TCF4: variants seen among roughly 807,000 people sequenced by gnomAD.
TCF4 encodes the protein SL3-3 enhancer factor 2.
In TCF4, 3 loss-of-function variants were observed where a neutral mutation model predicts 82.1. That is an observed-to-expected ratio of 0.04 (90% confidence interval 0.02 to 0.09). The LOEUF (loss-of-function observed/expected upper bound fraction) is 0.09, where lower values mean the gene tolerates loss of function less well. Among genes scored for constraint, TCF4 ranks in the 10% least tolerant of loss-of-function variants. TCF4 has a pLI of 1.00. For synonymous variants in TCF4, 276 were observed against 309.6 expected (o/e 0.89, Z 1.14); for missense variants, 518 against 852.7 (o/e 0.61, Z 4.89).
At chr18:55,351,172 T>C (rs1235929043) in intron 6 of TCF4, 169 bp from the exon 7 acceptor site, 2 of 759,366 alleles carry the variant, frequency 2.6e-6, no homozygotes, top group Non-Finnish European at 4.1e-6. Context: ...TAAGAAGCTA[T>C]CACAAAGTTT....
intron 5 of TCF4, among the ~76,000 whole-genome samples, chr18:55,427,916 A>AT (rs1200363536): frequency 6.6e-6 from 1 of 152,214 alleles, no homozygotes; most frequent in Non-Finnish European, 1.5e-5. Context: ...TTTACATGGG[A>AT]TTTTGCATGA....
chr18:55,350,712 C>T (rs2082151571), intron 7 of TCF4, among the ~76,000 whole-genome samples, 162 bp downstream of exon 7: 1 of 151,278 alleles, frequency 6.6e-6, no homozygotes, highest in African/African-American at 2.4e-5. Context: ...AACGTACCTA[C>T]TCAGTGTACT....
chr18:55,480,152 T>C (rs1253645530), intron 3 of TCF4, among the ~76,000 whole-genome samples: 2 of 151,828 alleles, frequency 1.3e-5, no homozygotes, highest in Non-Finnish European at 2.9e-5. Flanking sequence ...ATCTTTAACA[T>C]CTCACATTGA....
chr18:55,622,160 C>CACAT (rs2097721781), intron 2 of TCF4, among the ~76,000 whole-genome samples: 2 of 130,678 alleles, frequency 1.5e-5, no homozygotes, highest in Non-Finnish European at 3.1e-5. Context: ...TACACACACA[C>CACAT]ACACACACAC....
intron 3 of TCF4, among the ~76,000 whole-genome samples, chr18:55,549,566 G>A (rs1298086885): frequency 3.9e-5 from 6 of 152,018 alleles, no homozygotes; most frequent in Non-Finnish European, 4.4e-5. Flanking sequence ...GCCTACATAG[G>A]GTCTGGGTCA....
At chr18:55,344,522 T>C (rs1329862233) in intron 8 of TCF4, among the ~76,000 whole-genome samples, 4 of 152,148 alleles carry the variant, frequency 2.6e-5, no homozygotes, top group Non-Finnish European at 5.9e-5. Flanking sequence ...TCAGTGAAAA[T>C]GATAAAGTTC....
At chr18:55,265,650 T>TA (rs1456243817) in intron 11 of TCF4, 1 of 152,168 alleles carries the variant, frequency 6.6e-6, no homozygotes, top group Non-Finnish European at 1.5e-5. Context: ...AGGCTCAATA[T>TA]TCTTGTAAAA....
At chr18:55,403,581 G>C in intron 5 of TCF4, 63 bp from the exon 6 acceptor site, 1 of 1,613,626 alleles carries the variant, frequency 6.2e-7, no homozygotes, top group Non-Finnish European at 8.5e-7. Flanking sequence ...ATCTCCTCCA[G>C]GTAACAGACA....
chr18:55,322,422 GAAGAAA>G, intron 8 of TCF4: 1 of 232,296 alleles, frequency 4.3e-6, no homozygotes, highest in Non-Finnish European at 5.7e-6. Flanking sequence ...AAAGGGGAGG[GAAGAAA>G]AAAAAAAAAA....
In TCF4 at chr18:55,486,142, T is replaced by C. The variant is rs567802614; in HGVS notation, c.146-22005A>G. On this transcript the variant is annotated intron_variant, in intron 3 of 19. Transcript: ENST00000354452. ...TATGAATCCTGAGCTCAAAATTTAG[T>C]TGAAGAGACAAAAAGTATATTTGAA... Among the ~76,000 whole-genome samples the C allele has an allele frequency of 1.6e-4, 25 of 152,334 alleles. No individual in the cohort carries two copies. In the South Asian group the frequency reaches 5.0e-3, roughly 30 times the overall value.
intron 11 of TCF4, among the ~76,000 whole-genome samples, chr18:55,262,291 A>C (rs1020933450): frequency 6.6e-6 from 1 of 152,206 alleles, no homozygotes; most frequent in Non-Finnish European, 1.5e-5. Flanking sequence ...ACAGTATACA[A>C]TTCAAAGCCA....
At chr18:55,443,518 G>A (rs1172420559) in intron 5 of TCF4, among the ~76,000 whole-genome samples, 3 of 152,076 alleles carry the variant, frequency 2.0e-5, no homozygotes, top group African/African-American at 7.2e-5. Context: ...ATATTTTCAG[G>A]TAATTTTAAG....
At chr18:55,522,549 T>C (rs545245378) in intron 3 of TCF4, among the ~76,000 whole-genome samples, 115 of 152,212 alleles carry the variant, frequency 7.6e-4, no homozygotes, top group African/African-American at 2.7e-3. Flanking sequence ...ATGGATGTAA[T>C]AGGAAATATT....
At chr18:55,388,793 A>G (rs2092816022) in intron 6 of TCF4, among the ~76,000 whole-genome samples, 2 of 152,156 alleles carry the variant, frequency 1.3e-5, no homozygotes, top group South Asian at 4.1e-4. Flanking sequence ...ATCTCTCTAA[A>G]TCTCAGTTTC....
chr18:55,514,703 G>T (rs1247477519), intron 3 of TCF4, among the ~76,000 whole-genome samples: 1 of 152,018 alleles, frequency 6.6e-6, no homozygotes, highest in East Asian at 1.9e-4. Flanking sequence ...TTGGACAGAA[G>T]CTTTTGGTAA....
chr18:55,389,656 T>C (rs976045724), intron 6 of TCF4, among the ~76,000 whole-genome samples: 1 of 151,876 alleles, frequency 6.6e-6, no homozygotes, highest in African/African-American at 2.4e-5. Flanking sequence ...ATGTGAATGG[T>C]GAGTACGAAG....
At chr18:55,560,381 T>C (rs1431934787) in intron 3 of TCF4, among the ~76,000 whole-genome samples, 2 of 152,244 alleles carry the variant, frequency 1.3e-5, no homozygotes, top group Non-Finnish European at 2.9e-5. Flanking sequence ...ATTGAGCTCT[T>C]AGTATGTGCT....
At chr18:55,476,331 T>C (rs1222024716) in intron 3 of TCF4, among the ~76,000 whole-genome samples, 2 of 152,112 alleles carry the variant, frequency 1.3e-5, no homozygotes, top group Non-Finnish European at 2.9e-5. Flanking sequence ...CAAAAAAGAC[T>C]GTGAGAGGAA....
chr18:55,399,773 G>A (rs562215890), intron 6 of TCF4, among the ~76,000 whole-genome samples: 6 of 151,376 alleles, frequency 4.0e-5, no homozygotes, highest in Non-Finnish European at 8.8e-5. Flanking sequence ...TGTCAGAAAA[G>A]CACAGGCCCA....
Sources: allele counts gnomAD v4.1 joint callset (sites outside exome capture counted in the v4.1 genomes callset), GRCh38; gene constraint gnomAD v4.1.1; transcripts MANE v1.5; gene names NCBI Gene and HGNC (gene_info 2026-07-23, HGNC 2026-07-21).